Variants in ARHGAP44 observed in about 807,000 individuals in gnomAD.
ARHGAP44 encodes the protein rho GTPase-activating protein 44.
ARHGAP44 carries 43 observed loss-of-function variants against 106.8 expected under a neutral mutation model. The ratio of observed to expected loss-of-function variants is 0.40; its 90% CI spans 0.32 to 0.52. ARHGAP44 has a LOEUF of 0.52. Among genes scored for constraint, ARHGAP44 ranks in the 20% least tolerant of loss-of-function variants. ARHGAP44 has a pLI of 0.48. For missense variants in ARHGAP44, 866 were observed against 1,050.5 expected (o/e 0.82, Z 2.43); for synonymous variants, 439 against 410.3 (o/e 1.07, Z -0.85).
chr17:12,843,027 A>G (rs2035462173), intron 1 of ARHGAP44, among the ~76,000 whole-genome samples: 1 of 151,920 alleles, frequency 6.6e-6, no homozygotes, highest in South Asian at 2.1e-4. Context: ...GTTTTCTATT[A>G]ATCCCATTCA....
chr17:12,808,142 G>A (rs1311104472), intron 1 of ARHGAP44, among the ~76,000 whole-genome samples: 2 of 152,222 alleles, frequency 1.3e-5, no homozygotes, highest in African/African-American at 2.4e-5. Flanking sequence ...ACAACCTGGG[G>A]CAGCTCCGCC....
chr17:12,963,093 C>A (rs1274870950), intron 16 of ARHGAP44, among the ~76,000 whole-genome samples: 1 of 150,126 alleles, frequency 6.7e-6, no homozygotes, highest in Non-Finnish European at 1.5e-5. Context: ...GTTCACCAAC[C>A]TTGTGGTTGG....
At position 12,789,605 on chromosome 17, in the gene ARHGAP44, C is replaced by A; in HGVS notation, c.-234C>A. 1 of 305,694 alleles carries A rather than the reference C, an allele frequency of 3.3e-6. No individual in the cohort carries two copies. Among genetic ancestry groups the A allele is most frequent in the East Asian group, 5.4e-5 (1 of 18,462 alleles). 18.9% of individuals were successfully genotyped at this position (305,694 alleles called of 1,614,324 possible). A position where few individuals can be genotyped will look rare whatever the true frequency, so the allele number is the denominator to read the frequency against. On this transcript the variant is annotated 5_prime_UTR_variant, in exon 1 of 21. Coordinates refer to ENST00000379672, the MANE Select transcript of ARHGAP44 (RefSeq NM_014859.6). ...GGACGGCCCCAGGCATTGCTCTGCCCCGGGCATTGCGCGGCGCGCGTGAGG... is the reference window on the plus strand; with the variant it reads ...GGACGGCCCCAGGCATTGCTCTGCCACGGGCATTGCGCGGCGCGCGTGAGG...
At chr17:12,968,781 T>C (rs992990469) in intron 16 of ARHGAP44, among the ~76,000 whole-genome samples, 10 of 151,112 alleles carry the variant, frequency 6.6e-5, no homozygotes, top group Non-Finnish European at 1.3e-4. Flanking sequence ...TCTTTTTTTT[T>C]TTTTTTGATA....
rs1261604040 is a variant in ARHGAP44, at chr17:12,949,536, A to G, written c.974-113A>G. ...TAGGAAGCTACCATTTGCTGTTGAC[A>G]TGGTGGTCAGGAGGCCCATCCCCAG... On this transcript the variant is annotated intron_variant, in intron 11 of 20. Coordinates refer to ENST00000379672, the MANE Select transcript of ARHGAP44 (RefSeq NM_014859.6). This position sits in a 1 kb window ranked among gnomAD's most constrained non-coding sequence, Gnocchi z 4.1. The G allele has an allele frequency of 1.4e-5, 14 of 966,610 alleles. No individual in the cohort carries two copies. Among genetic ancestry groups the G allele is most frequent in the Admixed American group, 2.3e-5 (1 of 42,672 alleles). 59.9% of individuals were successfully genotyped at this position (966,610 alleles called of 1,614,324 possible).
At position 12,990,831 on chromosome 17, in the gene ARHGAP44, T is replaced by G. The variant is rs1323174362; in HGVS notation, c.*660T>G. 2 of 152,202 alleles carry G rather than the reference T, an allele frequency of 1.3e-5. No homozygotes were observed. The highest frequency in any genetic ancestry group is 2.9e-5 in the Non-Finnish European group (2 of 68,050). The allele number at this position is 152,202 out of a possible 1,614,324, so 9.4% of individuals were successfully genotyped here. ...CTTTTTCCACTGTGTGACTGAAAGC[T>G]CCTATATCATTTTATATTTCTGAAT... On this transcript the variant is annotated 3_prime_UTR_variant, in exon 21 of 21. Transcript: ENST00000379672.
chr17:12,973,350 T>C lies in ARHGAP44; in HGVS notation c.1541+31T>C. ...GTATCCTCTGGTAGCTATGAGGCCA[T>C]GCTCAGTCTCTTCAACTGAGCCACC... On this transcript the variant is annotated intron_variant, in intron 17 of 20. Coordinates refer to ENST00000379672, the MANE Select transcript of ARHGAP44 (RefSeq NM_014859.6). 3.1e-6 allele frequency: 5 copies of C among 1,601,390 alleles called. No homozygotes were observed. In the South Asian group the frequency reaches 5.6e-5, roughly 18 times the overall value.
intron 2 of ARHGAP44, among the ~76,000 whole-genome samples, chr17:12,895,541 T>C (rs1598013151): frequency 6.6e-6 from 1 of 152,230 alleles, no homozygotes; most frequent in South Asian, 2.1e-4. Flanking sequence ...ATGGGGTTGT[T>C]TGATTTTTTC....
At chr17:12,971,916 C>T (rs2039537084) in intron 16 of ARHGAP44, among the ~76,000 whole-genome samples, 1 of 152,172 alleles carries the variant, frequency 6.6e-6, no homozygotes, top group African/African-American at 2.4e-5. Flanking sequence ...GCATCACTCC[C>T]CATATTTCCT....
At chr17:12,940,298 A>C (rs937831717) in intron 7 of ARHGAP44, among the ~76,000 whole-genome samples, 10 of 152,216 alleles carry the variant, frequency 6.6e-5, no homozygotes, top group African/African-American at 2.4e-4. Context: ...CATGCTCAAA[A>C]ATATGGTTAA....
rs1488656661 is a variant in ARHGAP44 at position 12,944,186 on chromosome 17, T to A, written c.851T>A (p.Met284Lys). 6.2e-7 allele frequency: 1 copy of A among 1,610,048 alleles called. No individual in the cohort carries two copies. Among genetic ancestry groups the A allele is most frequent in the Non-Finnish European group, 8.5e-7 (1 of 1,178,770 alleles). ...GTGACCATGCTGCTTGAGTGTGGGA[T>A]GCAGGAGGAGGTAGGTCTGAGCACA... ...ACVTMLLECG[M>K]QEEGLFRVAP... Residue 284 changes from methionine (M) to lysine (K), a missense_variant, in exon 10 of 21, where the codon ATG becomes AAG. This residue lies in a region of ARHGAP44 where 448 missense variants were observed against 646.9 expected (regional missense o/e 0.69). Transcript: ENST00000379672.
chr17:12,804,805 A>G (rs2034224513), intron 1 of ARHGAP44, among the ~76,000 whole-genome samples: 1 of 152,222 alleles, frequency 6.6e-6, no homozygotes, highest in Non-Finnish European at 1.5e-5. Context: ...TTCTGCACAC[A>G]TCTGTCTCTG....
intron 1 of ARHGAP44, among the ~76,000 whole-genome samples, chr17:12,855,761 A>C (rs1024340208): frequency 2.6e-5 from 4 of 152,198 alleles, no homozygotes; most frequent in African/African-American, 9.7e-5. Flanking sequence ...TTAATGTTGA[A>C]GATTTGAGAA....
At chr17:12,900,181 G>A (rs1310688570) in intron 3 of ARHGAP44, among the ~76,000 whole-genome samples, 1 of 151,742 alleles carries the variant, frequency 6.6e-6, no homozygotes, top group Non-Finnish European at 1.5e-5. Context: ...CCAGGCTGGA[G>A]CGCAGTGGCA....
chr17:12,970,730 T>C (rs968883442), intron 16 of ARHGAP44, among the ~76,000 whole-genome samples: 3 of 152,250 alleles, frequency 2.0e-5, no homozygotes, highest in Admixed American at 1.3e-4. Context: ...AGTGCCTTGA[T>C]TCCAGCTACT....
chr17:12,990,220 G>C lies in ARHGAP44; in HGVS notation c.*49G>C. 6.4e-7 allele frequency: 1 copy of C among 1,574,590 alleles called. No homozygotes were observed. Among genetic ancestry groups the C allele is most frequent in the African/African-American group, 1.3e-5 (1 of 74,344 alleles). On this transcript the variant is annotated 3_prime_UTR_variant, in exon 21 of 21. Transcript: ENST00000379672. Reference sequence around the variant, plus strand: ...GCGTGTACATACATCACGGGCCCTAGGAACGCCGCCAGGAGCAGCGTCCAT... The same window carrying C: ...GCGTGTACATACATCACGGGCCCTACGAACGCCGCCAGGAGCAGCGTCCAT...
At chr17:12,896,371 C>T (rs766790521) in intron 2 of ARHGAP44, 36 bp from the exon 3 acceptor site, 27 of 1,548,582 alleles carry the variant, frequency 1.7e-5, no homozygotes, top group Non-Finnish European at 2.3e-5. Flanking sequence ...TGACCTTGCC[C>T]TCTCTCAGTG....
intron 3 of ARHGAP44, among the ~76,000 whole-genome samples, chr17:12,897,271 T>TC (rs2037236907): frequency 6.6e-6 from 1 of 151,696 alleles, no homozygotes; most frequent in Non-Finnish European, 1.5e-5. Context: ...ATTTTTTTTT[T>TC]GACTTGCAGT....
At chr17:12,873,187 C>T (rs2036452580) in intron 1 of ARHGAP44, among the ~76,000 whole-genome samples, 1 of 152,082 alleles carries the variant, frequency 6.6e-6, no homozygotes, top group East Asian at 1.9e-4. Flanking sequence ...GGTGACTTTC[C>T]TCTCCTTAGC....
Sources: gnomAD v4.1 joint callset for allele counts (sites outside exome capture counted in the v4.1 genomes callset) on GRCh38, gnomAD v4.1.1 for gene constraint, gnomAD v4.1.1 regional missense constraint, Gnocchi (gnomAD v3.1) non-coding constraint, MANE v1.5 for transcripts, NCBI Gene and HGNC (gene_info 2026-07-23, HGNC 2026-07-21) for gene names.